The following KIAA1755 variants were observed in gnomAD, a reference collection of about 807,000 sequenced individuals.
The protein encoded by KIAA1755 is KIAA1755, also known as uncharacterized protein KIAA1755.
In KIAA1755, 68 loss-of-function variants were observed where a neutral mutation model predicts 91.7. The observed-to-expected ratio is 0.74, with a 90% CI of 0.61 to 0.91. The LOEUF (loss-of-function observed/expected upper bound fraction) is 0.91. Among genes scored for constraint, KIAA1755 ranks in the 40% least tolerant of loss-of-function variants. The probability of loss-of-function intolerance (pLI) is 0.00; values close to 1 mark genes in which losing one functional copy is unlikely to be tolerated. For synonymous variants in KIAA1755, 610 were observed against 604.6 expected (o/e 1.01, Z -0.13); for missense variants, 1,535 against 1,494.4 (o/e 1.03, Z -0.45).
intron 1 of KIAA1755, among the ~76,000 whole-genome samples, chr20:38,251,833 T>C (rs549172915): frequency 6.6e-6 from 1 of 152,316 alleles, no homozygotes; most frequent in East Asian, 1.9e-4. Context: ...CCTGAAGTGC[T>C]GAGATTACAG....
rs767366731 is a variant in KIAA1755 at position 38,225,790 on chromosome 20, C to G, written c.2053-9G>C. The G allele has an allele frequency of 6.6e-7, 1 of 1,510,702 alleles. No individual in the cohort carries two copies. The highest frequency in any genetic ancestry group is 2.2e-5 in the Admixed American group (1 of 46,070). 93.6% of individuals were successfully genotyped at this position (1,510,702 alleles called of 1,614,324 possible). A position where few individuals can be genotyped will look rare whatever the true frequency, so the allele number is the denominator to read the frequency against. ...GAGGTCAGCACCTCCACCTGCAGAC[C>G]AAAGAATCAGGAGAACCAGGGACTC... is the stretch of plus-strand genomic sequence containing the variant. On this transcript the variant is annotated splice_polypyrimidine_tract_variant and intron_variant, in intron 7 of 13. Transcript: ENST00000279024.
At chr20:38,258,229 A>G (rs1246295819) in intron 1 of KIAA1755, among the ~76,000 whole-genome samples, 1 of 152,198 alleles carries the variant, frequency 6.6e-6, no homozygotes, top group Non-Finnish European at 1.5e-5. Context: ...GACAATGGAT[A>G]CTGATTTTTT....
In KIAA1755 at chr20:38,240,841, A is replaced by G; in HGVS notation, c.1290T>C (p.Pro430=). Residue 430 remains proline (P), a synonymous_variant, in exon 3 of 14, where the codon CCT becomes CCC. Coordinates refer to ENST00000279024, the MANE Select transcript of KIAA1755 (RefSeq NM_001029864.2). ...TCTTTGTTTCAGAGGCTGCAGCTGC[A>G]GGAGAAGCTGGGGACAGGCGGGGAG... The part of the protein sequence containing the change: ...ASSPRLSPAS[P]AAAASETKIE... 6.2e-7 allele frequency: 1 copy of G among 1,614,170 alleles called. No individual in the cohort carries two copies. Among genetic ancestry groups the G allele is most frequent in the Non-Finnish European group, 8.5e-7 (1 of 1,180,022 alleles).
In KIAA1755 at chr20:38,260,470, C is replaced by A. The variant is rs766206817; in HGVS notation, c.3+28G>T. ...CTGTGCCCACTGAAAGGGGGCAGAG[C>A]GAGGTGGTCCAGGCCTTGGCGCGTT... On this transcript the variant is annotated intron_variant, in intron 1 of 13. Transcript: ENST00000279024. 5.3e-6 allele frequency: 8 copies of A among 1,508,464 alleles called. No homozygotes were observed. In the African/African-American group the frequency reaches 5.6e-5, roughly 11 times the overall value. The allele number at this position is 1,508,464 out of a possible 1,614,324, so 93.4% of individuals were successfully genotyped here. A position where few individuals can be genotyped will look rare whatever the true frequency, so the allele number is the denominator to read the frequency against.
chr20:38,239,618 G>C lies in KIAA1755; in HGVS notation c.1657C>G (p.Pro553Ala), dbSNP rs149656873. The change falls in exon 4 of 14, where the codon CCC (proline) becomes GCC (alanine). Residue 553 changes from proline to alanine, a missense_variant. Coordinates refer to ENST00000279024, the MANE Select transcript of KIAA1755 (RefSeq NM_001029864.2). ...CCTGGGGGCTCCTCCTCCAGGGTGGGGCCTCTTTCTGGGGAGCCTGCAGAA... is the reference window on the plus strand; with the variant it reads ...CCTGGGGGCTCCTCCTCCAGGGTGGCGCCTCTTTCTGGGGAGCCTGCAGAA... ...EASAGSPERG[P>A]TLEEEPPGPE... The C allele has an allele frequency of 8.7e-6, 14 of 1,605,758 alleles. No individual in the cohort carries two copies. The highest frequency in any genetic ancestry group is 1.7e-4 in the Middle Eastern group (1 of 5,992).
chr20:38,236,008 G>A (rs1281072173), intron 4 of KIAA1755, among the ~76,000 whole-genome samples: 2 of 152,212 alleles, frequency 1.3e-5, no homozygotes, highest in Non-Finnish European at 1.5e-5. Context: ...CGGTGTGGAC[G>A]CAGAGACACC....
At position 38,228,160 on chromosome 20, in the gene KIAA1755, A is replaced by T. The variant is rs1198853783; in HGVS notation, c.1952T>A (p.Leu651Gln). ...QPPQPGLVSALQATQAQVPAS... is the reference protein window; with the variant it reads ...QPPQPGLVSAQQATQAQVPAS... ...CCTCCCACTCACCTGGGTGGCCTGC[A>T]GGGCGCTGACCAGACCGGGCTGTGG... The change falls in exon 6 of 14, where the codon CTG becomes CAG. Residue 651 changes from leucine (L) to glutamine (Q), a missense_variant. Physicochemically the swap from Leu to Gln is moderately radical, Grantham distance 113 (BLOSUM62 -2). Transcript: ENST00000279024. The T allele has an allele frequency of 6.2e-7, 1 of 1,601,380 alleles. No individual in the cohort carries two copies. The highest frequency in any genetic ancestry group is 1.1e-5 in the South Asian group (1 of 87,976).
chr20:38,258,190 T>G (rs545350000), intron 1 of KIAA1755, among the ~76,000 whole-genome samples: 1 of 151,450 alleles, frequency 6.6e-6, no homozygotes, highest in East Asian at 1.9e-4. Flanking sequence ...CGTGAGCCAC[T>G]GCGCCCGGCT....
chr20:38,251,791 C>A (rs1188161303), intron 1 of KIAA1755, among the ~76,000 whole-genome samples: 3 of 152,166 alleles, frequency 2.0e-5, no homozygotes, highest in African/African-American at 7.2e-5. Context: ...GTCTTGAACT[C>A]CTGACCTCAG....
At chr20:38,257,757 C>G (rs2076364626) in intron 1 of KIAA1755, among the ~76,000 whole-genome samples, 1 of 152,074 alleles carries the variant, frequency 6.6e-6, no homozygotes, top group Non-Finnish European at 1.5e-5. Flanking sequence ...CAGTCTATCT[C>G]GAAGACCTCT....
Position 38,245,940 on chromosome 20 carries a change from C to T in KIAA1755, c.190G>A (p.Glu64Lys). 1 of 1,614,160 alleles carries T rather than the reference C, an allele frequency of 6.2e-7. No homozygotes were observed. The highest frequency in any genetic ancestry group is 8.5e-7 in the Non-Finnish European group (1 of 1,180,008). ...PAKRLCEQVR[E>K]AACAPYSHCL... ...CCCTCTTGACTTACACAGGCTGCTTCTCGCACTTGCTCACACAGGCGCTTG... is the reference window on the plus strand; with the variant it reads ...CCCTCTTGACTTACACAGGCTGCTTTTCGCACTTGCTCACACAGGCGCTTG... Residue 64 changes from glutamate to lysine, a missense_variant, in exon 2 of 14, where the codon GAA becomes AAA. Coordinates refer to ENST00000279024, the MANE Select transcript of KIAA1755 (RefSeq NM_001029864.2).
chr20:38,240,366 T>C (rs1413574661), intron 3 of KIAA1755, among the ~76,000 whole-genome samples: 2 of 152,192 alleles, frequency 1.3e-5, no homozygotes, highest in Non-Finnish European at 2.9e-5. Flanking sequence ...ATGGCAAAGG[T>C]GGAGTGTGAA....
At chr20:38,218,607 C>T (rs1038020797) in intron 11 of KIAA1755, among the ~76,000 whole-genome samples, 21 of 152,248 alleles carry the variant, frequency 1.4e-4, no homozygotes, top group African/African-American at 4.1e-4. Context: ...GCCTGGCCAA[C>T]GCCCTCAGTG....
chr20:38,226,071 G>C (rs1317727250), intron 7 of KIAA1755, among the ~76,000 whole-genome samples: 2 of 152,176 alleles, frequency 1.3e-5, no homozygotes, highest in African/African-American at 2.4e-5. Context: ...CGTTCCCTCT[G>C]AGCTTGGCTC....
At position 38,238,904 on chromosome 20, in the gene KIAA1755, C is replaced by T. The variant is rs187789333; in HGVS notation, c.1747+624G>A. On this transcript the variant is annotated intron_variant, in intron 4 of 13. Coordinates refer to ENST00000279024, the MANE Select transcript of KIAA1755 (RefSeq NM_001029864.2). ...GTCTGAAAGTATCAGTTGTCAGTGG[C>T]TCACAGATGCCCCCTCTCTGAAGAA... Among the ~76,000 whole-genome samples, 382 of 152,342 alleles carry T rather than the reference C, an allele frequency of 2.5e-3. 7 individuals are homozygous for T. The highest frequency in any genetic ancestry group is 0.019 in the Admixed American group (293 of 15,300).
chr20:38,255,731 A>T (rs1376633370), intron 1 of KIAA1755, among the ~76,000 whole-genome samples: 1 of 152,164 alleles, frequency 6.6e-6, no homozygotes, highest in Non-Finnish European at 1.5e-5. Context: ...GTATAAAAAA[A>T]CTTTCAGAAA....
chr20:38,258,660 T>C (rs1468531367), intron 1 of KIAA1755, among the ~76,000 whole-genome samples: 3 of 152,048 alleles, frequency 2.0e-5, no homozygotes, highest in Non-Finnish European at 2.9e-5. Context: ...AAGGTATTCC[T>C]CCAAGCAGGA....
chr20:38,250,609 C>G (rs2076234669), intron 1 of KIAA1755, among the ~76,000 whole-genome samples: 1 of 150,974 alleles, frequency 6.6e-6, no homozygotes, highest in African/African-American at 2.4e-5. Context: ...TGTATGGAGA[C>G]AGAGGGAGGA....
At chr20:38,246,368 C>T (rs2076161233) in intron 1 of KIAA1755, among the ~76,000 whole-genome samples, 1 of 152,034 alleles carries the variant, frequency 6.6e-6, no homozygotes, top group South Asian at 2.1e-4. Context: ...CTAGAATGCT[C>T]TTCCTCAAGA....
Sources: gnomAD v4.1 joint callset for allele counts (sites outside exome capture counted in the v4.1 genomes callset) on GRCh38, gnomAD v4.1.1 for gene constraint, MANE v1.5 for transcripts, NCBI Gene and HGNC (gene_info 2026-07-23, HGNC 2026-07-21) for gene names.